Variants in SPACDR observed in about 807,000 individuals in gnomAD.
SPACDR encodes the protein sperm acrosome developmental regulator, also known as uncharacterized protein C7orf61.
the SPACDR span, among the ~76,000 whole-genome samples, chr7:100,459,324 CAG>C: frequency 3.0e-5 from 4 of 133,678 alleles, no homozygotes; most frequent in Non-Finnish European, 6.4e-5. Context: ...TTTTTTCAGG[CAG>C]AGTTTCACTT....
chr7:100,457,841 G>GTGTGTGTGTA, the SPACDR span, among the ~76,000 whole-genome samples: 83 of 85,060 alleles, frequency 9.8e-4, no homozygotes, highest in East Asian at 4.8e-3. Context: ...GTGTGTGTGT[G>GTGTGTGTGTA]TATATATATA....
the SPACDR span, chr7:100,456,836 G>C: frequency 6.2e-7 from 1 of 1,613,266 alleles, no homozygotes; most frequent in Non-Finnish European, 8.5e-7. Context: ...GGTGCCGTCT[G>C]TGCCTCTCCT....
the SPACDR span, chr7:100,456,773 C>T: frequency 6.2e-7 from 1 of 1,610,842 alleles, no homozygotes; most frequent in South Asian, 1.1e-5. Flanking sequence ...TTTGGGCATC[C>T]AGTTTCAGGG....
At chr7:100,459,346 A>G in the SPACDR span, among the ~76,000 whole-genome samples, 1 of 147,728 alleles carries the variant, frequency 6.8e-6, no homozygotes, top group Non-Finnish European at 1.5e-5. Context: ...TTTGTTGCCC[A>G]GGCTGGAGTG....
At chr7:100,459,447 C>G in the SPACDR span, among the ~76,000 whole-genome samples, 2 of 151,862 alleles carry the variant, frequency 1.3e-5, no homozygotes, top group Admixed American at 6.6e-5. Flanking sequence ...ACCACCATGC[C>G]CAGATAATTT....
At chr7:100,463,579 C>T in the SPACDR span, 1 of 1,614,006 alleles carries the variant, frequency 6.2e-7, no homozygotes, top group Non-Finnish European at 8.5e-7. Context: ...CGACCAACCT[C>T]AAAGTCTCAA....
the SPACDR span, chr7:100,464,154 G>A: frequency 6.6e-7 from 1 of 1,525,322 alleles, no homozygotes; most frequent in Non-Finnish European, 8.8e-7. Flanking sequence ...TGAGCTTCAA[G>A]CACAGCAGTA....
the SPACDR span, among the ~76,000 whole-genome samples, chr7:100,460,496 C>T: frequency 2.0e-5 from 3 of 151,468 alleles, no homozygotes; most frequent in African/African-American, 7.3e-5. Context: ...GAGGCTGAGG[C>T]AGGATAATTG....
At chr7:100,463,788 T>C in the SPACDR span, 1 of 1,256,458 alleles carries the variant, frequency 8.0e-7, no homozygotes. Context: ...GCAGTGAGTT[T>C]CCTGGCCTCT....
the SPACDR span, chr7:100,463,962 C>T: frequency 1.2e-6 from 2 of 1,607,268 alleles, no homozygotes; most frequent in Non-Finnish European, 1.7e-6. Flanking sequence ...CAGAAACTCA[C>T]CCAGGAAATA....
the SPACDR span, among the ~76,000 whole-genome samples, chr7:100,458,625 C>G: frequency 6.6e-6 from 1 of 152,156 alleles, no homozygotes; most frequent in African/African-American, 2.4e-5. Flanking sequence ...GTTGTTTCCA[C>G]TCAGTATAAT....
chr7:100,459,510 G>A, the SPACDR span, among the ~76,000 whole-genome samples: 2 of 148,680 alleles, frequency 1.3e-5, no homozygotes, highest in South Asian at 2.1e-4. Context: ...GGCTGGTCTC[G>A]AACTCCTGAT....
the SPACDR span, chr7:100,456,810 G>C: frequency 6.2e-7 from 1 of 1,613,262 alleles, no homozygotes; most frequent in East Asian, 2.2e-5. Flanking sequence ...TCGGGGGGCA[G>C]CATGGCATCG....
At chr7:100,464,106 G>A in the SPACDR span, 7 of 1,535,246 alleles carry the variant, frequency 4.6e-6, no homozygotes, top group Non-Finnish European at 6.1e-6. Flanking sequence ...GGATGGGGTG[G>A]GCTGTGGGCC....
the SPACDR span, among the ~76,000 whole-genome samples, chr7:100,461,340 G>A: frequency 6.6e-6 from 1 of 151,960 alleles, no homozygotes; most frequent in Non-Finnish European, 1.5e-5. Flanking sequence ...TCAGTGGCAC[G>A]ATCTCGGCTC....
chr7:100,461,853 C>G, the SPACDR span, among the ~76,000 whole-genome samples: 1 of 151,584 alleles, frequency 6.6e-6, no homozygotes, highest in Admixed American at 6.6e-5. Flanking sequence ...TTTAGCTGGG[C>G]GTGGTGGCGG....
At chr7:100,456,868 G>C in the SPACDR span, 7 of 1,613,580 alleles carry the variant, frequency 4.3e-6, no homozygotes, top group Non-Finnish European at 5.9e-6. Flanking sequence ...AGCCGGCGCA[G>C]GTGTTTCCGA....
the SPACDR span, chr7:100,463,952 C>T: frequency 1.9e-6 from 3 of 1,604,972 alleles, no homozygotes; most frequent in Non-Finnish European, 2.6e-6. Context: ...AGAGTGGTCT[C>T]AGAAACTCAC....
chr7:100,461,089 T>C, the SPACDR span, among the ~76,000 whole-genome samples: 56 of 152,030 alleles, frequency 3.7e-4, 1 homozygote, highest in Admixed American at 3.5e-3. Context: ...CTGCTATTCT[T>C]TTCTGTTTGT....
Sources: allele counts gnomAD v4.1 joint callset (sites outside exome capture counted in the v4.1 genomes callset), GRCh38; gene constraint gnomAD v4.1.1; transcripts MANE v1.5; gene names NCBI Gene and HGNC (gene_info 2026-07-23, HGNC 2026-07-21).